The following C12orf42 variants were observed in gnomAD, a reference collection of about 807,000 sequenced individuals.
The protein encoded by C12orf42 is uncharacterized protein C12orf42.
A neutral mutation model predicts 21.6 loss-of-function variants in C12orf42; 25 were observed. That is an observed-to-expected ratio of 1.16 (90% CI 0.84 to 1.62). The LOEUF is 1.62. C12orf42 is among the 40% of genes most tolerant of loss of function. C12orf42 has a pLI of 0.00. For synonymous variants in C12orf42, 174 were observed against 175.0 expected (o/e 0.99, Z 0.05); for missense variants, 483 against 459.3 (o/e 1.05, Z -0.47).
At chr12:103,187,041 C>A in the C12orf42 span, among the ~76,000 whole-genome samples, 4 of 152,120 alleles carry the variant, frequency 2.6e-5, no homozygotes. Flanking sequence ...ACCATCAAAT[C>A]CTGGAAGAAG....
the C12orf42 span, among the ~76,000 whole-genome samples, chr12:103,168,779 G>C: frequency 0.011 from 1,642 of 152,230 alleles, 16 homozygotes; most frequent in Non-Finnish European, 0.018. Context: ...TTCAATATTA[G>C]ACTGGATAAA....
intron 3 of C12orf42, 127 bp downstream of exon 3, chr12:103,401,480 G>T (rs2138692814): frequency 1.3e-6 from 1 of 764,610 alleles, no homozygotes; most frequent in Non-Finnish European, 2.2e-6. Flanking sequence ...ATTTTAAAAT[G>T]TAAAAAATCC....
intron 2 of C12orf42, among the ~76,000 whole-genome samples, chr12:103,429,291 G>A (rs1055874009): frequency 5.3e-5 from 8 of 152,190 alleles, no homozygotes; most frequent in African/African-American, 1.9e-4. Flanking sequence ...CAAAATCAAT[G>A]TGCAAAAATC....
intron 2 of C12orf42, among the ~76,000 whole-genome samples, chr12:103,436,567 C>G (rs972428470): frequency 6.7e-6 from 1 of 149,534 alleles, no homozygotes; most frequent in African/African-American, 2.5e-5. Context: ...ATCTACCAAG[C>G]AAATGGAAAA....
At chr12:103,360,849 T>C (rs959279239) in intron 4 of C12orf42, among the ~76,000 whole-genome samples, 1 of 152,114 alleles carries the variant, frequency 6.6e-6, no homozygotes, top group African/African-American at 2.4e-5. Context: ...CTAATGCTCA[T>C]CAAAGGGCAC....
intron 1 of C12orf42, among the ~76,000 whole-genome samples, chr12:103,492,258 C>T (rs1309759850): frequency 6.6e-6 from 1 of 152,172 alleles, no homozygotes; most frequent in African/African-American, 2.4e-5. Flanking sequence ...GCACCTGGCC[C>T]TCATTCTTAA....
At chr12:103,410,511 G>T (rs750059129) in intron 2 of C12orf42, among the ~76,000 whole-genome samples, 62 of 152,134 alleles carry the variant, frequency 4.1e-4, no homozygotes, top group Non-Finnish European at 7.1e-4. Flanking sequence ...ATGCTTCCAG[G>T]TTTCATAAGA....
chr12:103,274,581 A>G (rs1281829131), intron 5 of C12orf42, among the ~76,000 whole-genome samples: 1 of 152,066 alleles, frequency 6.6e-6, no homozygotes. Flanking sequence ...TTTATTATAC[A>G]TTGATTCATC....
chr12:103,510,975 A>G, the C12orf42 span, among the ~76,000 whole-genome samples: 11 of 152,206 alleles, frequency 7.2e-5, no homozygotes, highest in Non-Finnish European at 1.3e-4. Flanking sequence ...GTGTGGCCAT[A>G]TTGGCAAGTT....
intron 4 of C12orf42, among the ~76,000 whole-genome samples, chr12:103,333,588 C>T (rs1190429620): frequency 6.6e-6 from 1 of 152,124 alleles, no homozygotes; most frequent in African/African-American, 2.4e-5. Flanking sequence ...CCATTTATAG[C>T]TATAGCAGAT....
At chr12:103,408,553 C>T (rs1023689431) in intron 2 of C12orf42, among the ~76,000 whole-genome samples, 2 of 152,086 alleles carry the variant, frequency 1.3e-5, no homozygotes, top group African/African-American at 2.4e-5. Flanking sequence ...TCAATAAGTA[C>T]CAAGTCTCAA....
chr12:103,162,075 T>C, the C12orf42 span, among the ~76,000 whole-genome samples: 6 of 152,174 alleles, frequency 3.9e-5, no homozygotes, highest in African/African-American at 1.4e-4. Context: ...TAGTAGGGTT[T>C]ATTGCTCTTC....
chr12:103,159,084 A>T, the C12orf42 span, among the ~76,000 whole-genome samples: 2 of 152,204 alleles, frequency 1.3e-5, no homozygotes, highest in African/African-American at 4.8e-5. Context: ...AGAACTTTTA[A>T]ACCCTCCTGG....
the C12orf42 span, among the ~76,000 whole-genome samples, chr12:103,108,517 A>C: frequency 1.3e-5 from 2 of 152,116 alleles, no homozygotes; most frequent in African/African-American, 4.8e-5. Context: ...TCATGTCAGC[A>C]GATTAAAGAA....
the C12orf42 span, among the ~76,000 whole-genome samples, chr12:103,204,868 T>TA: frequency 0.41 from 62,617 of 151,910 alleles, 13,359 homozygotes; most frequent in South Asian, 0.49. Flanking sequence ...AATATTGACC[T>TA]ATTTACAATA....
the C12orf42 span, among the ~76,000 whole-genome samples, chr12:103,188,267 G>GTTTC: frequency 2.0e-5 from 3 of 151,896 alleles, no homozygotes; most frequent in Non-Finnish European, 4.4e-5. Context: ...TGTCTAACAT[G>GTTTC]TTTCTTTCTT....
At chr12:103,444,387 T>C (rs1008106964) in intron 2 of C12orf42, among the ~76,000 whole-genome samples, 3 of 152,146 alleles carry the variant, frequency 2.0e-5, no homozygotes, top group Non-Finnish European at 2.9e-5. Context: ...ATTAGAAGCA[T>C]TTTAAACATC....
At chr12:103,129,032 A>G in the C12orf42 span, among the ~76,000 whole-genome samples, 2 of 152,178 alleles carry the variant, frequency 1.3e-5, no homozygotes, top group African/African-American at 4.8e-5. Context: ...TGACCTCAGG[A>G]GCAGTGGGTG....
the C12orf42 span, among the ~76,000 whole-genome samples, chr12:103,120,111 C>T: frequency 6.6e-6 from 1 of 152,206 alleles, no homozygotes; most frequent in African/African-American, 2.4e-5. Flanking sequence ...TTTTATGGAG[C>T]ACCTGCTATG....
Sources: gnomAD v4.1 joint callset for allele counts (sites outside exome capture counted in the v4.1 genomes callset) on GRCh38, gnomAD v4.1.1 for gene constraint, MANE v1.5 for transcripts, NCBI Gene and HGNC (gene_info 2026-07-23, HGNC 2026-07-21) for gene names.